NKAIN1: variants seen among roughly 807,000 people sequenced by gnomAD.
The protein encoded by NKAIN1 is sodium/potassium-transporting ATPase subunit beta-1-interacting protein 1.
NKAIN1 carries 13 observed loss-of-function variants against 31.6 expected under a neutral mutation model. The ratio of observed to expected loss-of-function variants is 0.41; its 90% confidence interval spans 0.27 to 0.65. The LOEUF is 0.65. Among genes scored for constraint, NKAIN1 ranks in the 30% least tolerant of loss-of-function variants. NKAIN1 has a pLI of 0.30. For missense variants in NKAIN1, 193 were observed against 262.2 expected, an observed-to-expected ratio of 0.74 and a Z score of 1.82; for synonymous variants, 104 against 109.0, an observed-to-expected ratio of 0.95 and a Z score of 0.28.
In NKAIN1 at chr1:31,187,922, G is replaced by T. The variant is rs1009529641; in HGVS notation, c.192+128C>A. ...GGGCTGTGCACATTCACCCCATCTTGTTTTGGGTGGAGCCAAGACCAGTGC... is the reference window on the plus strand; with the variant it reads ...GGGCTGTGCACATTCACCCCATCTTTTTTTGGGTGGAGCCAAGACCAGTGC... On this transcript the variant is annotated intron_variant, in intron 2 of 6. Coordinates refer to ENST00000373736, the MANE Select transcript of NKAIN1 (RefSeq NM_024522.3). The T allele has an allele frequency of 2.6e-5, 26 of 1,007,442 alleles. No homozygotes were observed. The African/African-American group carries it at 3.9e-4, about 15-fold the overall frequency. 62.4% of individuals were successfully genotyped at this position (1,007,442 alleles called of 1,614,324 possible).
At chr1:31,196,689 C>T (rs569204589) in intron 1 of NKAIN1, among the ~76,000 whole-genome samples, 67 of 148,172 alleles carry the variant, frequency 4.5e-4, no homozygotes, top group Non-Finnish European at 7.5e-4. Flanking sequence ...GAGTGAGATT[C>T]CATCTCAAAA....
At chr1:31,217,169 G>A (rs1414688277) in intron 1 of NKAIN1, among the ~76,000 whole-genome samples, 1 of 151,908 alleles carries the variant, frequency 6.6e-6, no homozygotes, top group East Asian at 1.9e-4. Flanking sequence ...CCGCGGCATT[G>A]ACTTTTTGTT....
At chr1:31,186,850 C>T (rs1249068108) in intron 2 of NKAIN1, among the ~76,000 whole-genome samples, 1 of 152,254 alleles carries the variant, frequency 6.6e-6, no homozygotes, top group African/African-American at 2.4e-5. Flanking sequence ...TAGGTCAGCA[C>T]TGAGGCCCCT....
At chr1:31,185,838 A>G (rs1645237400) in intron 2 of NKAIN1, among the ~76,000 whole-genome samples, 1 of 152,164 alleles carries the variant, frequency 6.6e-6, no homozygotes. Flanking sequence ...AACATGTTCC[A>G]GGTGGTAAGC....
chr1:31,185,586 G>A (rs994328968), intron 2 of NKAIN1, among the ~76,000 whole-genome samples: 1 of 152,180 alleles, frequency 6.6e-6, no homozygotes, highest in African/African-American at 2.4e-5. Context: ...AGATCACACA[G>A]CTAGGAGGAG....
rs549480377 is a variant in NKAIN1 at position 31,216,762 on chromosome 1, C to T, written c.54+22732G>A. 8.7e-4 allele frequency among the ~76,000 whole-genome samples: 130 copies of T among 148,806 alleles called. 1 individual carries two copies. Among genetic ancestry groups the T allele is most frequent in the African/African-American group, 2.7e-3 (110 of 40,630 alleles). Reference sequence around the variant, plus strand: ...CAGCTGGAGTCCAGTGGCACCATCTCGGCTCACTGCAACCTCCACCTCCGG... The same window carrying T: ...CAGCTGGAGTCCAGTGGCACCATCTTGGCTCACTGCAACCTCCACCTCCGG... On this transcript the variant is annotated intron_variant, in intron 1 of 6. Coordinates refer to ENST00000373736, the MANE Select transcript of NKAIN1 (RefSeq NM_024522.3).
At chr1:31,204,933 C>T (rs1645412083) in intron 1 of NKAIN1, among the ~76,000 whole-genome samples, 1 of 152,136 alleles carries the variant, frequency 6.6e-6, no homozygotes, top group African/African-American at 2.4e-5. Flanking sequence ...TCAGCTCAGG[C>T]TCTGCACTCG....
intron 1 of NKAIN1, among the ~76,000 whole-genome samples, chr1:31,192,714 T>G (rs1438809014): frequency 6.6e-6 from 1 of 151,504 alleles, no homozygotes; most frequent in Non-Finnish European, 1.5e-5. Context: ...CCATGCCCAG[T>G]GGATTTTTGT....
intron 1 of NKAIN1, among the ~76,000 whole-genome samples, chr1:31,193,523 C>A (rs757505092): frequency 6.6e-6 from 1 of 151,848 alleles, no homozygotes; most frequent in Admixed American, 6.6e-5. Flanking sequence ...GGGGAAAACT[C>A]GTCTCTACTA....
intron 3 of NKAIN1, 88 bp downstream of exon 3, chr1:31,185,159 T>C (rs146574625): frequency 9.9e-7 from 1 of 1,007,828 alleles, no homozygotes; most frequent in African/African-American, 1.6e-5. Flanking sequence ...CGAGACATGA[T>C]GCTCTGGTCC....
At chr1:31,194,720 C>T (rs1645310503) in intron 1 of NKAIN1, among the ~76,000 whole-genome samples, 1 of 136,624 alleles carries the variant, frequency 7.3e-6, no homozygotes, top group Non-Finnish European at 1.6e-5. Context: ...TTTCTTTTTT[C>T]TTTTCATTTC....
At chr1:31,196,215 C>A (rs1645325210) in intron 1 of NKAIN1, among the ~76,000 whole-genome samples, 2 of 151,620 alleles carry the variant, frequency 1.3e-5, no homozygotes, top group Admixed American at 1.3e-4. Context: ...CCCGCCTCTA[C>A]TAAAAATACA....
chr1:31,200,181 C>T (rs897826167), intron 1 of NKAIN1, among the ~76,000 whole-genome samples: 1 of 152,206 alleles, frequency 6.6e-6, no homozygotes, highest in Non-Finnish European at 1.5e-5. Flanking sequence ...CAGCCCGGAT[C>T]CCACTGGGAA....
rs1645188288 is a variant in NKAIN1, at chr1:31,180,377, A to T, written c.*1326T>A. On this transcript the variant is annotated 3_prime_UTR_variant, in exon 7 of 7. Transcript: ENST00000373736. ...CGTCCTCAGGAGTGTCTGTGGAGGG[A>T]GGTGGGGAAAGTGTTCTCACCTCTA... 6.6e-6 allele frequency: 1 copy of T among 152,018 alleles called. No individual in the cohort carries two copies. Among genetic ancestry groups the T allele is most frequent in the Non-Finnish European group, 1.5e-5 (1 of 68,018 alleles). 9.4% of individuals were successfully genotyped at this position (152,018 alleles called of 1,614,324 possible). A position where few individuals can be genotyped will look rare whatever the true frequency, so the allele number is the denominator to read the frequency against.
At chr1:31,211,872 G>A (rs1036236548) in intron 1 of NKAIN1, among the ~76,000 whole-genome samples, 2 of 152,106 alleles carry the variant, frequency 1.3e-5, no homozygotes, top group African/African-American at 4.8e-5. Flanking sequence ...AACCCAGGAG[G>A]CGGAGGTTGC....
chr1:31,183,862 G>A lies in NKAIN1; in HGVS notation c.426C>T (p.Tyr142=), dbSNP rs1645222232. 1 of 1,613,972 alleles carries A rather than the reference G, an allele frequency of 6.2e-7. No individual in the cohort carries two copies. The change falls in exon 4 of 7, where the codon TAC becomes TAT. Residue 142 remains tyrosine (Y), a synonymous_variant. Coordinates refer to ENST00000373736, the MANE Select transcript of NKAIN1 (RefSeq NM_024522.3). ...VISVTGCLLD[Y]PYIEALSSAL... ...CGCTGCTGAGGGCTTCAATGTAGGG[G>A]TAGTCAAGCAGGCAGCCAGTGACAG... is the stretch of plus-strand genomic sequence containing the variant.
chr1:31,227,069 C>T (rs1160981234), intron 1 of NKAIN1, among the ~76,000 whole-genome samples: 1 of 152,174 alleles, frequency 6.6e-6, no homozygotes, highest in Non-Finnish European at 1.5e-5. Flanking sequence ...AAGTGATCTG[C>T]CTGCCCTGGC....
chr1:31,213,821 C>G (rs759610773), intron 1 of NKAIN1, among the ~76,000 whole-genome samples: 1 of 151,618 alleles, frequency 6.6e-6, no homozygotes, highest in Non-Finnish European at 1.5e-5. Context: ...ACAGGGAGAT[C>G]CTGTCTCCAC....
intron 1 of NKAIN1, among the ~76,000 whole-genome samples, chr1:31,200,025 G>GCACACACACACA (rs3046275): frequency 3.4e-4 from 17 of 49,320 alleles, no homozygotes; most frequent in Admixed American, 6.6e-4. Context: ...ACACACACAC[G>GCACACACACACA]CACACACACA....
Sources: allele counts gnomAD v4.1 joint callset (sites outside exome capture counted in the v4.1 genomes callset), GRCh38; gene constraint gnomAD v4.1.1; transcripts MANE v1.5; gene names NCBI Gene and HGNC (gene_info 2026-07-23, HGNC 2026-07-21).